The following C6orf62 variants were observed in gnomAD, a reference collection of about 807,000 sequenced individuals.
C6orf62 encodes uncharacterized protein C6orf62.
A neutral mutation model predicts 26.8 loss-of-function variants in C6orf62; 16 were observed. That is an observed-to-expected ratio of 0.60 (90% CI 0.40 to 0.91). The LOEUF is 0.91. Among genes scored for constraint, C6orf62 ranks in the 40% least tolerant of loss-of-function variants. C6orf62 has a pLI of 0.00. For synonymous variants in C6orf62, 112 were observed against 91.5 expected (o/e 1.22, Z -1.28); for missense variants, 192 against 271.4 (o/e 0.71, Z 2.06).
Position 24,705,662 on chromosome 6 carries a change from T to C in C6orf62, c.*475A>G, listed in dbSNP as rs1247539639. The C allele has an allele frequency of 6.5e-6, 1 of 152,918 alleles. No homozygotes were observed. The allele number at this position is 152,918 out of a possible 1,614,324, so 9.5% of individuals were successfully genotyped here. On this transcript the variant is annotated 3_prime_UTR_variant, in exon 5 of 5. Coordinates refer to ENST00000378119, the MANE Select transcript of C6orf62 (RefSeq NM_030939.5). ...CCAGTTCTGGTCATTAGAATGTATCTGACAGTGCTCTGGAACAACTGTGAT... is the reference window on the plus strand; with the variant it reads ...CCAGTTCTGGTCATTAGAATGTATCCGACAGTGCTCTGGAACAACTGTGAT...
Position 24,716,339 on chromosome 6 carries a change from A to C in C6orf62, c.130-15T>G, listed in dbSNP as rs1403435516. 6.2e-7 allele frequency: 1 copy of C among 1,605,630 alleles called. No individual in the cohort carries two copies. On this transcript the variant is annotated splice_polypyrimidine_tract_variant and intron_variant, in intron 1 of 4. Coordinates refer to ENST00000378119, the MANE Select transcript of C6orf62 (RefSeq NM_030939.5). The stretch of plus-strand genomic sequence containing the variant: ...GACTTTTTCTTCTAGAAGAAAAGAA[A>C]ATGGTGTATTAACCCACAGGGAGCA...
Position 24,718,971 on chromosome 6 carries a change from A to G in C6orf62, c.-303T>C. 2.6e-6 allele frequency: 3 copies of G among 1,167,854 alleles called. No homozygotes were observed. Among genetic ancestry groups the G allele is most frequent in the Non-Finnish European group, 3.2e-6 (3 of 942,334 alleles). The allele number at this position is 1,167,854 out of a possible 1,614,324, so 72.3% of individuals were successfully genotyped here. Reference sequence around the variant, plus strand: ...GGAGAAAATAACTAACTTTCTGGAAAACACATTTGGCTTAACTGCCAAAAT... The same window carrying G: ...GGAGAAAATAACTAACTTTCTGGAAGACACATTTGGCTTAACTGCCAAAAT... On this transcript the variant is annotated 5_prime_UTR_variant, in exon 1 of 5. Transcript: ENST00000378119.
At chr6:24,713,713 T>C (rs1779171116) in intron 3 of C6orf62, among the ~76,000 whole-genome samples, 1 of 152,168 alleles carries the variant, frequency 6.6e-6, no homozygotes, top group Non-Finnish European at 1.5e-5. Context: ...AATTAACACT[T>C]TGGTGGACCT....
intron 3 of C6orf62, among the ~76,000 whole-genome samples, chr6:24,713,381 T>G (rs1779159173): frequency 6.6e-6 from 1 of 152,228 alleles, no homozygotes; most frequent in African/African-American, 2.4e-5. Flanking sequence ...AGCTTATGTG[T>G]AGCAACATTA....
At chr6:24,719,761 G>T, upstream of C6orf62, 1 of 1,543,438 alleles carries the variant, frequency 6.5e-7, no homozygotes, top group South Asian at 1.2e-5. Context: ...CAAAGGTGGC[G>T]GGTTCTTCTC....
At chr6:24,709,408 T>C (rs1243128998) in intron 3 of C6orf62, 8 of 975,838 alleles carry the variant, frequency 8.2e-6, no homozygotes, top group Non-Finnish European at 9.7e-6. Context: ...TAATTGCTGT[T>C]TCTAAGAAAA....
upstream of C6orf62, chr6:24,719,155 C>CAAA (rs5875002): frequency 5.3e-4 from 462 of 874,166 alleles, 1 homozygote; most frequent in South Asian, 6.5e-4. Context: ...CCTTGCTTTC[C>CAAA]AAAAAAAAAA....
At chr6:24,709,943 T>C (rs1172968935) in intron 3 of C6orf62, 9 of 985,326 alleles carry the variant, frequency 9.1e-6, no homozygotes, top group African/African-American at 3.5e-5. Context: ...ATAATAACAT[T>C]GAAAAACCAA....
At position 24,709,426 on chromosome 6, in the gene C6orf62, A is replaced by G. The variant is rs1779077855; in HGVS notation, c.430-515T>C. ...TTGCTGTTTCTAAGAAAAAAAAAAA[A>G]TAAATCTGTTTATTCTAACCCTAGC... On this transcript the variant is annotated intron_variant, in intron 3 of 4. Coordinates refer to ENST00000378119, the MANE Select transcript of C6orf62 (RefSeq NM_030939.5). 9 of 983,446 alleles carry G rather than the reference A, an allele frequency of 9.2e-6. No individual in the cohort carries two copies. In the South Asian group the frequency reaches 3.8e-4, roughly 41 times the overall value. The allele number at this position is 983,446 out of a possible 1,614,324, so 60.9% of individuals were successfully genotyped here.
upstream of C6orf62, chr6:24,719,821 T>TG: frequency 4.7e-5 from 39 of 828,808 alleles, no homozygotes; most frequent in Non-Finnish European, 5.9e-5. Flanking sequence ...CCCCCGCAGG[T>TG]CCCACCCCCA....
chr6:24,708,847 T>C lies in C6orf62; in HGVS notation c.494A>G (p.Asp165Gly). 1 of 1,614,220 alleles carries C rather than the reference T, an allele frequency of 6.2e-7. No homozygotes were observed. The highest frequency in any genetic ancestry group is 8.5e-7 in the Non-Finnish European group (1 of 1,180,042). The change falls in exon 4 of 5, where the codon GAC becomes GGC. Residue 165 changes from aspartate to glycine, a missense_variant. By Grantham distance (94) the Asp-to-Gly change is moderately conservative. Transcript: ENST00000378119. ...ATTGTTGACAACGATTCCAGTCTTG[T>C]CCTTGCGGCTCAGTACATGCAGAAA... is the stretch of plus-strand genomic sequence containing the variant. Reference protein sequence around the residue: ...KQFLHVLSRKDKTGIVVNNPN... With the variant: ...KQFLHVLSRKGKTGIVVNNPN...
In C6orf62 at chr6:24,714,334, G is replaced by A. The variant is rs1418064750; in HGVS notation, c.413C>T (p.Pro138Leu). 6.2e-7 allele frequency: 1 copy of A among 1,609,178 alleles called. No homozygotes were observed. Among genetic ancestry groups the A allele is most frequent in the Non-Finnish European group, 8.5e-7 (1 of 1,178,482 alleles). The change falls in exon 3 of 5, where the codon CCT (proline) becomes CTT (leucine). Residue 138 changes from proline to leucine, a missense_variant. Coordinates refer to ENST00000378119, the MANE Select transcript of C6orf62 (RefSeq NM_030939.5). ...LFSRWKESDE[P>L]FRPVQAKFEF... ...CCAAAATACCTGAACAGGCCTAAAA[G>A]GCTCATCAGATTCTTTCCACCTAGA... is the stretch of plus-strand genomic sequence containing the variant.
At chr6:24,706,407 C>A in intron 4 of C6orf62, 145 bp from the exon 5 acceptor site, 7 of 1,268,478 alleles carry the variant, frequency 5.5e-6, no homozygotes, top group Non-Finnish European at 7.3e-6. Context: ...TCTAGACAGA[C>A]AAAATCTTGC....
chr6:24,715,141 C>T (rs934551689), intron 2 of C6orf62, among the ~76,000 whole-genome samples: 2 of 152,190 alleles, frequency 1.3e-5, no homozygotes, highest in Admixed American at 6.5e-5. Context: ...AGCTGAAATG[C>T]TATTTTTATT....
intron 4 of C6orf62, chr6:24,706,720 T>G (rs1447759213): frequency 6.4e-6 from 1 of 156,686 alleles, no homozygotes; most frequent in Non-Finnish European, 1.4e-5. Context: ...AAGACCATTC[T>G]GGGCAACATG....
chr6:24,706,837 G>A (rs1408815851), intron 4 of C6orf62: 1 of 153,182 alleles, frequency 6.5e-6, no homozygotes, highest in East Asian at 1.9e-4. Flanking sequence ...CGCCCAGGAG[G>A]TCAAGGCTGC....
At chr6:24,720,427 A>C, upstream of C6orf62, 1 of 1,120,760 alleles carries the variant, frequency 8.9e-7, no homozygotes, top group Non-Finnish European at 1.1e-6. Context: ...CTCAGCCCCC[A>C]CCTGGGACCC....
In C6orf62 at chr6:24,705,325, A is replaced by C. The variant is rs1489591109; in HGVS notation, c.*812T>G. ...TTCTCTGTAAAACCAAAAACAAAACAAAACAAAACAAAACAAAACCAAAAG... is the reference window on the plus strand; with the variant it reads ...TTCTCTGTAAAACCAAAAACAAAACCAAACAAAACAAAACAAAACCAAAAG... On this transcript the variant is annotated 3_prime_UTR_variant, in exon 5 of 5. Coordinates refer to ENST00000378119, the MANE Select transcript of C6orf62 (RefSeq NM_030939.5). The C allele has an allele frequency of 1.3e-5, 2 of 152,510 alleles. No homozygotes were observed. The highest frequency in any genetic ancestry group is 4.8e-5 in the African/African-American group (2 of 41,432). The allele number at this position is 152,510 out of a possible 1,614,324, so 9.4% of individuals were successfully genotyped here.
chr6:24,710,458 TTCTTTATGTTGG>T, intron 3 of C6orf62: 1 of 435,550 alleles, frequency 2.3e-6, no homozygotes, highest in Non-Finnish European at 3.1e-6. Flanking sequence ...GAGATAGGAC[TTCTTTATGTTGG>T]TCAGGATGGT....
Sources: gnomAD v4.1 joint callset for allele counts (sites outside exome capture counted in the v4.1 genomes callset) on GRCh38, gnomAD v4.1.1 for gene constraint, MANE v1.5 for transcripts, NCBI Gene and HGNC (gene_info 2026-07-23, HGNC 2026-07-21) for gene names.